Variants in GLIS1 observed in about 807,000 individuals in gnomAD.
GLIS1 encodes GLIS family zinc finger 1, also known as zinc finger protein GLIS1.
In GLIS1, 24 loss-of-function variants were observed where a neutral mutation model predicts 63.8. That is an observed-to-expected ratio of 0.38 (90% confidence interval 0.27 to 0.53). The LOEUF (loss-of-function observed/expected upper bound fraction) is 0.53. GLIS1 is among the 20% of genes least tolerant of loss of function. The pLI is 0.85. For missense variants in GLIS1, 1,036 were observed against 1,074.1 expected, an observed-to-expected ratio of 0.96 and a Z score of 0.50; for synonymous variants, 450 against 482.5, an observed-to-expected ratio of 0.93 and a Z score of 0.88.
At chr1:53,602,885 A>G (rs1462111249) in intron 2 of GLIS1, among the ~76,000 whole-genome samples, 1 of 152,236 alleles carries the variant, frequency 6.6e-6, no homozygotes, top group African/African-American at 2.4e-5. Flanking sequence ...CCTCTGGGAA[A>G]GTAAAAAGGA....
intron 2 of GLIS1, among the ~76,000 whole-genome samples, chr1:53,627,916 A>C (rs149757127): frequency 6.6e-6 from 1 of 152,352 alleles, no homozygotes; most frequent in African/African-American, 2.4e-5. Flanking sequence ...AGATGCTCCA[A>C]GATAGCTTGC....
At chr1:53,515,194 T>C (rs1024112085) in intron 7 of GLIS1, among the ~76,000 whole-genome samples, 7 of 151,876 alleles carry the variant, frequency 4.6e-5, no homozygotes, top group Non-Finnish European at 7.4e-5. Flanking sequence ...AAGAGGCTTG[T>C]TCTGTGTGGC....
intron 2 of GLIS1, among the ~76,000 whole-genome samples, chr1:53,612,844 G>T (rs1315812160): frequency 6.8e-6 from 1 of 146,520 alleles, no homozygotes; most frequent in Non-Finnish European, 1.5e-5. Flanking sequence ...TTTGAGATGG[G>T]GTCTCGCTCT....
intron 4 of GLIS1, among the ~76,000 whole-genome samples, chr1:53,568,337 G>A (rs1644953989): frequency 6.6e-6 from 1 of 152,120 alleles, no homozygotes; most frequent in Admixed American, 6.5e-5. Flanking sequence ...AATGCCTGTA[G>A]CCCCTATTGT....
chr1:53,621,308 G>T (rs1257589311), intron 2 of GLIS1, among the ~76,000 whole-genome samples: 6 of 152,348 alleles, frequency 3.9e-5, no homozygotes, highest in Admixed American at 3.3e-4. Context: ...CAAGGCCAGG[G>T]ATGGCCAGGT....
At chr1:53,681,951 C>A (rs1646279896) in intron 2 of GLIS1, among the ~76,000 whole-genome samples, 1 of 152,224 alleles carries the variant, frequency 6.6e-6, no homozygotes. Context: ...CTGCTACACT[C>A]TGTGCTGAGT....
intron 2 of GLIS1, among the ~76,000 whole-genome samples, chr1:53,713,782 G>C (rs1238914892): frequency 6.6e-6 from 1 of 152,182 alleles, no homozygotes; most frequent in African/African-American, 2.4e-5. Context: ...GAGAGACAGA[G>C]GCACACCAGA....
chr1:53,525,796 A>G (rs1644462488), intron 5 of GLIS1, among the ~76,000 whole-genome samples: 1 of 151,894 alleles, frequency 6.6e-6, no homozygotes, highest in Non-Finnish European at 1.5e-5. Flanking sequence ...GCTCTCCCGC[A>G]GCCACGTCAC....
intron 4 of GLIS1, among the ~76,000 whole-genome samples, chr1:53,564,138 C>G (rs925505199): frequency 6.6e-6 from 1 of 152,112 alleles, no homozygotes; most frequent in Non-Finnish European, 1.5e-5. Context: ...TGGTAATGCC[C>G]TCTAATGCAC....
intron 2 of GLIS1, among the ~76,000 whole-genome samples, chr1:53,703,402 C>A (rs1018149549): frequency 1.3e-5 from 2 of 151,908 alleles, no homozygotes; most frequent in South Asian, 4.2e-4. Context: ...TTTAAGAGGC[C>A]AAGGCAGGAG....
intron 4 of GLIS1, among the ~76,000 whole-genome samples, chr1:53,555,729 T>A (rs1644812600): frequency 6.6e-6 from 1 of 152,066 alleles, no homozygotes. Flanking sequence ...AAATAAAAAT[T>A]GTGTGTGTGT....
intron 2 of GLIS1, among the ~76,000 whole-genome samples, chr1:53,618,677 G>A (rs1645508213): frequency 6.6e-6 from 1 of 152,182 alleles, no homozygotes; most frequent in Non-Finnish European, 1.5e-5. Context: ...GAAAGTCGAG[G>A]GGCTGATGAA....
At position 53,524,890 on chromosome 1, in the gene GLIS1, G is replaced by A; in HGVS notation, c.1483-3C>T. 1 of 1,592,888 alleles carries A rather than the reference G, an allele frequency of 6.3e-7. No individual in the cohort carries two copies. The highest frequency in any genetic ancestry group is 8.6e-7 in the Non-Finnish European group (1 of 1,162,230). ...GGGATCTGACAGGCGTACGGCTTCT[G>A]TAACATGGGGGGCACGGGTGGGGTG... On this transcript the variant is annotated splice_polypyrimidine_tract_variant and splice_region_variant and intron_variant, in intron 5 of 10. Transcript: ENST00000628545.
At chr1:53,621,623 T>C (rs980980051) in intron 2 of GLIS1, among the ~76,000 whole-genome samples, 4 of 152,048 alleles carry the variant, frequency 2.6e-5, no homozygotes, top group African/African-American at 9.6e-5. Context: ...TTTATAAAGA[T>C]GACAACAATT....
At position 53,594,809 on chromosome 1, in the gene GLIS1, C is replaced by G. The variant is rs372608413; in HGVS notation, c.619G>C (p.Ala207Pro). Residue 207 changes from alanine to proline, a missense_variant, in exon 4 of 11, where the codon GCC (alanine) becomes CCC (proline). By Grantham distance (27) the Ala-to-Pro change is conservative. Transcript: ENST00000628545. Reference sequence around the variant, plus strand: ...AGGTAGCAGGAAGGCGCAGGGGTGGCGAGGCTTCGGCCCGGGAGGTCCAGG... The same window carrying G: ...AGGTAGCAGGAAGGCGCAGGGGTGGGGAGGCTTCGGCCCGGGAGGTCCAGG... ...PDLDLPGRSLATPAPSCYLLG... is the reference protein window; with the variant it reads ...PDLDLPGRSLPTPAPSCYLLG... 1 of 1,606,122 alleles carries G rather than the reference C, an allele frequency of 6.2e-7. No individual in the cohort carries two copies. Among genetic ancestry groups the G allele is most frequent in the African/African-American group, 1.3e-5 (1 of 74,834 alleles).
intron 4 of GLIS1, among the ~76,000 whole-genome samples, chr1:53,551,982 C>T (rs1398644875): frequency 6.6e-6 from 1 of 152,068 alleles, no homozygotes; most frequent in Non-Finnish European, 1.5e-5. Flanking sequence ...GAAAACTTCC[C>T]AACCAAACAC....
chr1:53,680,907 T>C (rs1298343423), intron 2 of GLIS1, among the ~76,000 whole-genome samples: 2 of 152,222 alleles, frequency 1.3e-5, no homozygotes, highest in African/African-American at 2.4e-5. Context: ...CCCTTCACTG[T>C]GCCCAAGGTG....
chr1:53,700,594 T>C (rs1360346035), intron 2 of GLIS1, among the ~76,000 whole-genome samples: 1 of 152,204 alleles, frequency 6.6e-6, no homozygotes, highest in African/African-American at 2.4e-5. Context: ...TGCAGGAGTT[T>C]GGTTTTTTGC....
chr1:53,558,877 G>A (rs933224974), intron 4 of GLIS1, among the ~76,000 whole-genome samples: 1 of 152,214 alleles, frequency 6.6e-6, no homozygotes, highest in African/African-American at 2.4e-5. Context: ...CTGCTCAGAT[G>A]TGGCCAGAAA....
Sources: allele counts gnomAD v4.1 joint callset (sites outside exome capture counted in the v4.1 genomes callset), GRCh38; gene constraint gnomAD v4.1.1; transcripts MANE v1.5; gene names NCBI Gene and HGNC (gene_info 2026-07-23, HGNC 2026-07-21).